DHRS12: variants seen among roughly 807,000 people sequenced by gnomAD.
DHRS12 encodes dehydrogenase/reductase SDR family member 12.
In DHRS12, 29 loss-of-function variants were observed where a neutral mutation model predicts 32.1. The ratio of observed to expected loss-of-function variants is 0.90; its 90% CI spans 0.67 to 1.23. DHRS12 has a LOEUF of 1.23. Ranked by LOEUF, DHRS12 falls within the 50% of genes most tolerant of loss-of-function variation. The probability of loss-of-function intolerance (pLI) is 0.00; values close to 1 mark genes in which losing one functional copy is unlikely to be tolerated. For synonymous variants in DHRS12, 150 were observed against 135.9 expected (o/e 1.10, Z -0.72); for missense variants, 330 against 337.2 (o/e 0.98, Z 0.17).
intron 7 of DHRS12, 49 bp from the exon 8 acceptor site, chr13:51,769,342 T>G: frequency 7.4e-7 from 1 of 1,348,292 alleles, no homozygotes; most frequent in South Asian, 1.6e-5. Flanking sequence ...CTCCAGCAAA[T>G]GTGGTTGACT....
intron 4 of DHRS12, among the ~76,000 whole-genome samples, chr13:51,785,214 C>T (rs1032824989): frequency 2.6e-5 from 4 of 151,920 alleles, no homozygotes; most frequent in Non-Finnish European, 4.4e-5. Context: ...GGTGACAGAG[C>T]GAGACTCTGT....
chr13:51,792,537 C>G (rs1264022284), intron 2 of DHRS12, among the ~76,000 whole-genome samples: 1 of 152,090 alleles, frequency 6.6e-6, no homozygotes, highest in Non-Finnish European at 1.5e-5. Flanking sequence ...GTAGCTGGGA[C>G]TAGAGGTGCA....
At chr13:51,756,592 C>G in the DHRS12 span, 1 of 1,389,510 alleles carries the variant, frequency 7.2e-7, no homozygotes, top group East Asian at 2.6e-5. Context: ...CCACGGCAAG[C>G]AGTAAAAGCT....
downstream of DHRS12, chr13:51,767,959 A>AGACTT: frequency 1.5e-6 from 2 of 1,337,004 alleles, no homozygotes; most frequent in East Asian, 5.7e-5. Context: ...CGAATAAATG[A>AGACTT]GACTTAAAAT....
At position 51,776,141 on chromosome 13, in the gene DHRS12, TGTATTCTCCTACATGTATTCTACA is replaced by T. The variant is rs1307770695; in HGVS notation, c.363+895_363+918del. The T allele has an allele frequency of 8.2e-5, 8 of 97,164 alleles. 1 individual carries two copies. The South Asian group carries it at 1.1e-3, about 14-fold the overall frequency. 6.0% of individuals were successfully genotyped at this position (97,164 alleles called of 1,614,324 possible). A position where few individuals can be genotyped will look rare whatever the true frequency, so the allele number is the denominator to read the frequency against. On this transcript the variant is annotated intron_variant, in intron 5 of 8. Coordinates refer to ENST00000444610, the MANE Select transcript of DHRS12 (RefSeq NM_001377533.1). Reference sequence around the variant, plus strand: ...ATGTATTCTACAGTATTCTCCTACATGTATTCTCCTACATGTATTCTACAGTATTCTCCTACATGTACTCTACAG... The same window carrying T: ...ATGTATTCTACAGTATTCTCCTACATGTATTCTCCTACATGTACTCTACAG...
At position 51,777,120 on chromosome 13, in the gene DHRS12, A is replaced by T. The variant is rs763292178; in HGVS notation, c.303T>A (p.Gly101=). ...TCAGGCCGGTCGTGAGAATGTACAC[A>T]CCTGAGGCAGCACACAGCATCCCAT... The part of the protein sequence containing the change: ...LEKNFAANTL[G]VYILTTGLIP... Residue 101 remains glycine, a splice_region_variant and synonymous_variant, in exon 5 of 9, where the codon GGT becomes GGA. Transcript: ENST00000444610. 6.2e-7 allele frequency: 1 copy of T among 1,614,008 alleles called. No homozygotes were observed. Among genetic ancestry groups the T allele is most frequent in the Admixed American group, 1.7e-5 (1 of 60,026 alleles).
chr13:51,768,404 C>G, intron 8 of DHRS12, 108 bp from the exon 9 acceptor site: 1 of 1,496,602 alleles, frequency 6.7e-7, no homozygotes, highest in Middle Eastern at 2.4e-4. Flanking sequence ...AGTGGCAGCA[C>G]CCTACAGCTG....
the DHRS12 span, chr13:51,759,865 T>TA: frequency 7.3e-7 from 1 of 1,374,560 alleles, no homozygotes; most frequent in Non-Finnish European, 1.0e-6. Context: ...ATGTGAGAAG[T>TA]AAGAAAGAAA....
chr13:51,770,645 A>C (rs1001265955), intron 7 of DHRS12: 1 of 509,130 alleles, frequency 2.0e-6, no homozygotes, highest in Admixed American at 6.2e-5. Flanking sequence ...CAGGAGACTC[A>C]GATCTGTACA....
At chr13:51,769,727 T>C (rs934425648) in intron 7 of DHRS12, among the ~76,000 whole-genome samples, 3 of 152,218 alleles carry the variant, frequency 2.0e-5, no homozygotes, top group Admixed American at 6.5e-5. Flanking sequence ...GTTGGTTCCC[T>C]GGACTGTTTT....
chr13:51,782,259 T>A lies in DHRS12; in HGVS notation c.302-5138A>T, dbSNP rs559277274. Among the ~76,000 whole-genome samples, 1 of 151,908 alleles carries A rather than the reference T, an allele frequency of 6.6e-6. No homozygotes were observed. Among genetic ancestry groups the A allele is most frequent in the Admixed American group, 6.6e-5 (1 of 15,260 alleles). On this transcript the variant is annotated intron_variant, in intron 4 of 8. Coordinates refer to ENST00000444610, the MANE Select transcript of DHRS12 (RefSeq NM_001377533.1). The surrounding 1 kb of genome is among the most constrained non-coding windows in gnomAD (Gnocchi z 4.2). ...CTTGGGAGCCAGGCACATGATGGCA[T>A]TGGGGCAAGGATGAGATCCCAACAG...
chr13:51,782,135 C>T lies in DHRS12; in HGVS notation c.302-5014G>A, dbSNP rs561066483. On this transcript the variant is annotated intron_variant, in intron 4 of 8. Transcript: ENST00000444610. This position sits in a 1 kb window ranked among gnomAD's most constrained non-coding sequence, Gnocchi z 4.2. ...GGTGGGGCCCATTACAGGAGCAGAC[C>T]GGTGAGGGACTAAGGCTTCAGTTTT... Among the ~76,000 whole-genome samples the T allele has an allele frequency of 4.3e-4, 66 of 152,172 alleles. No individual in the cohort carries two copies. The highest frequency in any genetic ancestry group is 1.5e-3 in the African/African-American group (63 of 41,520).
At position 51,771,924 on chromosome 13, in the gene DHRS12, G is replaced by C; in HGVS notation, c.469-13C>G. The C allele has an allele frequency of 6.2e-7, 1 of 1,613,728 alleles. No homozygotes were observed. The highest frequency in any genetic ancestry group is 8.5e-7 in the Non-Finnish European group (1 of 1,179,776). On this transcript the variant is annotated splice_polypyrimidine_tract_variant and intron_variant, in intron 6 of 8. Transcript: ENST00000444610. ...CCACTTGCTGCCTCTGGACAGGAAGGAGCGAGGGGGTGAACAGGAGAGAGG... is the reference window on the plus strand; with the variant it reads ...CCACTTGCTGCCTCTGGACAGGAAGCAGCGAGGGGGTGAACAGGAGAGAGG...
At chr13:51,769,349 G>A in intron 7 of DHRS12, 56 bp from the exon 8 acceptor site, 2 of 1,280,468 alleles carry the variant, frequency 1.6e-6, no homozygotes, top group Non-Finnish European at 2.1e-6. Flanking sequence ...AAATGTGGTT[G>A]ACTTCCCTTA....
At chr13:51,780,139 T>A (rs1245442160) in intron 4 of DHRS12, among the ~76,000 whole-genome samples, 1 of 152,146 alleles carries the variant, frequency 6.6e-6, no homozygotes, top group Non-Finnish European at 1.5e-5. Context: ...ATTGTGCCAC[T>A]GCATTCCAGC....
Position 51,782,772 on chromosome 13 carries a change from GGCCTCA to G in DHRS12, c.302-5657_302-5652del, listed in dbSNP as rs1954777015. ...GGGAGAACCCGAGTATGGGCACTTGGGCCTCAGCTCATTAAAAGGACAAAGGTGCTT... is the reference window on the plus strand; with the variant it reads ...GGGAGAACCCGAGTATGGGCACTTGGGCTCATTAAAAGGACAAAGGTGCTT... On this transcript the variant is annotated intron_variant, in intron 4 of 8. Coordinates refer to ENST00000444610, the MANE Select transcript of DHRS12 (RefSeq NM_001377533.1). This position sits in a 1 kb window ranked among gnomAD's most constrained non-coding sequence, Gnocchi z 4.2. Among the ~76,000 whole-genome samples, 1 of 152,152 alleles carries G rather than the reference GGCCTCA, an allele frequency of 6.6e-6. No individual in the cohort carries two copies. Among genetic ancestry groups the G allele is most frequent in the African/African-American group, 2.4e-5 (1 of 41,430 alleles).
downstream of DHRS12, chr13:51,767,890 T>C: frequency 2.6e-6 from 2 of 757,712 alleles, no homozygotes; most frequent in Non-Finnish European, 3.4e-6. Context: ...CACCCCTGCG[T>C]CCCCTAAGAC....
chr13:51,792,184 C>G (rs957481044), intron 2 of DHRS12, among the ~76,000 whole-genome samples: 1 of 152,176 alleles, frequency 6.6e-6, no homozygotes, highest in African/African-American at 2.4e-5. Flanking sequence ...TACTGTTTTC[C>G]ATAGAGGCTG....
At chr13:51,792,883 T>A (rs1181056926) in intron 2 of DHRS12, among the ~76,000 whole-genome samples, 1 of 152,176 alleles carries the variant, frequency 6.6e-6, no homozygotes, top group Non-Finnish European at 1.5e-5. Flanking sequence ...AATGACTACA[T>A]AATTTACCTT....
Sources: gnomAD v4.1 joint callset for allele counts (sites outside exome capture counted in the v4.1 genomes callset) on GRCh38, gnomAD v4.1.1 for gene constraint, Gnocchi (gnomAD v3.1) non-coding constraint, MANE v1.5 for transcripts, NCBI Gene and HGNC (gene_info 2026-07-23, HGNC 2026-07-21) for gene names.